AHI1: variants seen among roughly 807,000 people sequenced by gnomAD.
AHI1 encodes Abelson helper integration site 1, also known as jouberin.
In AHI1, 123 loss-of-function variants were observed where a neutral mutation model predicts 149.3. The observed-to-expected ratio is 0.82, with a 90% CI of 0.71 to 0.96. The LOEUF is 0.96. AHI1 is among the 40% of genes least tolerant of loss of function. The pLI is 0.00. For missense variants in AHI1, 1,439 were observed against 1,422.7 expected (o/e 1.01, Z -0.18); for synonymous variants, 475 against 459.8 (o/e 1.03, Z -0.42).
chr6:135,350,596 TG>T (rs1367441212), intron 24 of AHI1, among the ~76,000 whole-genome samples: 2 of 152,042 alleles, frequency 1.3e-5, no homozygotes, highest in Non-Finnish European at 2.9e-5. Context: ...AATTCCAAAT[TG>T]GGATAACTGC....
At chr6:135,441,279 G>C (rs536169274) in intron 14 of AHI1, among the ~76,000 whole-genome samples, 2 of 152,134 alleles carry the variant, frequency 1.3e-5, no homozygotes, top group South Asian at 2.1e-4. Flanking sequence ...AGATTATCCA[G>C]TCTGAAAAAA....
intron 26 of AHI1, among the ~76,000 whole-genome samples, chr6:135,314,906 T>C (rs1369158779): frequency 1.3e-5 from 2 of 152,230 alleles, no homozygotes; most frequent in Non-Finnish European, 2.9e-5. Context: ...TGGCTGTCAA[T>C]ATTGGCTGCA....
intron 13 of AHI1, among the ~76,000 whole-genome samples, chr6:135,445,554 AT>A (rs1054979498): frequency 3.3e-5 from 5 of 151,830 alleles, no homozygotes; most frequent in South Asian, 2.1e-4. Flanking sequence ...ACATCAAAAA[AT>A]TTTTTTTTAA....
At chr6:135,299,535 A>G (rs1783586266) in intron 27 of AHI1, among the ~76,000 whole-genome samples, 1 of 152,174 alleles carries the variant, frequency 6.6e-6, no homozygotes, top group Non-Finnish European at 1.5e-5. Flanking sequence ...CACTTCCGTT[A>G]TATTTTGTTA....
chr6:135,374,732 C>T (rs1775645157), intron 23 of AHI1, among the ~76,000 whole-genome samples: 1 of 151,934 alleles, frequency 6.6e-6, no homozygotes, highest in Admixed American at 6.6e-5. Flanking sequence ...ATGTGTAAAA[C>T]AGTATGAAGA....
intron 27 of AHI1, among the ~76,000 whole-genome samples, chr6:135,294,720 A>AAAAAAAAAAAG (rs1782860591): frequency 6.7e-6 from 1 of 149,926 alleles, no homozygotes; most frequent in Non-Finnish European, 1.5e-5. Context: ...AAAAAAAAGA[A>AAAAAAAAAAAG]AAAGAAAAAA....
At chr6:135,319,489 G>A (rs1472095781) in intron 25 of AHI1, among the ~76,000 whole-genome samples, 1 of 152,036 alleles carries the variant, frequency 6.6e-6, no homozygotes, top group East Asian at 1.9e-4. Flanking sequence ...AAAAGGAAAT[G>A]ATAATTTGGG....
At chr6:135,480,774 C>T (rs145773293) in intron 5 of AHI1, among the ~76,000 whole-genome samples, 4 of 152,278 alleles carry the variant, frequency 2.6e-5, no homozygotes, top group African/African-American at 9.6e-5. Flanking sequence ...ACAAATCAGG[C>T]CACACAGCAG....
chr6:135,300,118 A>T (rs1783667136), intron 27 of AHI1, among the ~76,000 whole-genome samples: 1 of 152,164 alleles, frequency 6.6e-6, no homozygotes, highest in South Asian at 2.1e-4. Flanking sequence ...TGAGGTCAGG[A>T]GTTCAAGACC....
At chr6:135,455,949 A>G in intron 9 of AHI1, 23 bp from the exon 10 acceptor site, 1 of 1,353,080 alleles carries the variant, frequency 7.4e-7, no homozygotes, top group Non-Finnish European at 9.6e-7. Flanking sequence ...AGATACTTCC[A>G]TTAACACAAT....
chr6:135,285,717 AG>A (rs2128336358), intron 28 of AHI1, 70 bp from the exon 29 acceptor site: 5 of 1,332,572 alleles, frequency 3.8e-6, no homozygotes, highest in Admixed American at 1.9e-5. Context: ...ACCAAATCTT[AG>A]TGTGCTCAGG....
intron 20 of AHI1, among the ~76,000 whole-genome samples, chr6:135,415,337 G>C: frequency 6.6e-6 from 1 of 152,100 alleles, no homozygotes; most frequent in Non-Finnish European, 1.5e-5. Flanking sequence ...CCAGTAATGG[G>C]ATGGCTGTGT....
chr6:135,313,176 G>A (rs1472055518), intron 26 of AHI1, among the ~76,000 whole-genome samples: 5 of 152,100 alleles, frequency 3.3e-5, no homozygotes, highest in Admixed American at 3.3e-4. Context: ...TTTCTTAGGG[G>A]CTTCTTTTCC....
At chr6:135,332,530 C>G (rs1788752246) in intron 24 of AHI1, among the ~76,000 whole-genome samples, 1 of 152,178 alleles carries the variant, frequency 6.6e-6, no homozygotes, top group African/African-American at 2.4e-5. Context: ...CTGAACTAGG[C>G]CCCAACAGAC....
chr6:135,352,640 T>C (rs1378527354), intron 24 of AHI1, among the ~76,000 whole-genome samples: 1 of 151,682 alleles, frequency 6.6e-6, no homozygotes, highest in African/African-American at 2.4e-5. Flanking sequence ...TATTAGGATT[T>C]AGCTGTTTAC....
In AHI1 at chr6:135,366,764, T is replaced by G. The variant is rs369225265; in HGVS notation, c.3110-8577A>C. Among the ~76,000 whole-genome samples the G allele has an allele frequency of 7.9e-5, 12 of 152,284 alleles. 1 individual carries two copies. The highest frequency in any genetic ancestry group is 1.9e-4 in the East Asian group (1 of 5,190). The stretch of plus-strand genomic sequence containing the variant: ...TTTCATTTCATTCATCTTTTGTATT[T>G]TTTTGTTGTTTCATTTAGGTCTGCT... On this transcript the variant is annotated intron_variant, in intron 23 of 28. Transcript: ENST00000265602.
intron 3 of AHI1, among the ~76,000 whole-genome samples, chr6:135,495,058 CAACT>C (rs1025903221): frequency 1.3e-5 from 2 of 152,100 alleles, no homozygotes; most frequent in Non-Finnish European, 2.9e-5. Context: ...AGAATTCTTC[CAACT>C]GTCTTCCCAT....
At chr6:135,458,613 C>T (rs1789355312) in intron 8 of AHI1, among the ~76,000 whole-genome samples, 1 of 152,172 alleles carries the variant, frequency 6.6e-6, no homozygotes, top group African/African-American at 2.4e-5. Flanking sequence ...ATTCTGGTCA[C>T]AGTTCTAGGT....
Position 135,428,652 on chromosome 6 carries a change from A to T in AHI1, c.2600T>A (p.Val867Glu). 6.2e-7 allele frequency: 1 copy of T among 1,608,192 alleles called. No homozygotes were observed. Among genetic ancestry groups the T allele is most frequent in the African/African-American group, 1.3e-5 (1 of 74,820 alleles). ...ACCTGTTTCTGGGTTCCAAACATAC[A>T]CTATACCATCCTCACTTCCAGCAAA... ...FLFAGSEDGIVYVWNPETGEQ... is the reference protein window; with the variant it reads ...FLFAGSEDGIEYVWNPETGEQ... Residue 867 changes from valine to glutamate, a missense_variant, in exon 19 of 29, where the codon GTG becomes GAG. Val to Glu is a moderately radical substitution (Grantham distance 121, BLOSUM62 -2). Transcript: ENST00000265602.
Sources: gnomAD v4.1 joint callset for allele counts (sites outside exome capture counted in the v4.1 genomes callset) on GRCh38, gnomAD v4.1.1 for gene constraint, MANE v1.5 for transcripts, NCBI Gene and HGNC (gene_info 2026-07-23, HGNC 2026-07-21) for gene names.